The following UNC13C variants were observed in gnomAD, a reference collection of about 807,000 sequenced individuals.
UNC13C encodes the protein protein unc-13 homolog C.
In UNC13C, 174 loss-of-function variants were observed where a neutral mutation model predicts 245.4. The ratio of observed to expected loss-of-function variants is 0.71; its 90% CI spans 0.63 to 0.80. The LOEUF (loss-of-function observed/expected upper bound fraction) is 0.80, where lower values mean the gene tolerates loss of function less well. Ranked by LOEUF, UNC13C falls within the 30% of genes least tolerant of loss-of-function variation. The probability of loss-of-function intolerance (pLI) is 0.00; values close to 1 mark genes in which losing one functional copy is unlikely to be tolerated. For synonymous variants in UNC13C, 992 were observed against 895.1 expected, an observed-to-expected ratio of 1.11 and a Z score of -1.93; for missense variants, 2,829 against 2,602.9, an observed-to-expected ratio of 1.09 and a Z score of -1.89.
intron 26 of UNC13C, among the ~76,000 whole-genome samples, chr15:54,538,584 G>C (rs891362889): frequency 6.6e-6 from 1 of 152,026 alleles, no homozygotes; most frequent in African/African-American, 2.4e-5. Flanking sequence ...GCAAAGACAA[G>C]GAATCAACCT....
intron 17 of UNC13C, among the ~76,000 whole-genome samples, chr15:54,342,488 G>A (rs1340892682): frequency 1.3e-5 from 2 of 151,604 alleles, no homozygotes; most frequent in Non-Finnish European, 2.9e-5. Flanking sequence ...GTGAGTCCAG[G>A]AATTGGAAGT....
chr15:54,623,385 C>T (rs1471882951), intron 31 of UNC13C, among the ~76,000 whole-genome samples: 1 of 152,042 alleles, frequency 6.6e-6, no homozygotes, highest in Non-Finnish European at 1.5e-5. Context: ...ATTATAATAT[C>T]ATTTTGTATA....
chr15:53,965,700 A>G, the UNC13C span, among the ~76,000 whole-genome samples: 7 of 151,958 alleles, frequency 4.6e-5, no homozygotes, highest in East Asian at 1.9e-4. Context: ...ATATCTCCCA[A>G]TGCTATCCCT....
At chr15:54,398,660 C>A (rs553136967) in intron 18 of UNC13C, among the ~76,000 whole-genome samples, 1 of 151,176 alleles carries the variant, frequency 6.6e-6, no homozygotes, top group Non-Finnish European at 1.5e-5. Context: ...CCTATTTGTT[C>A]AAATAGGTAA....
chr15:54,189,869 T>C (rs2034122870), intron 4 of UNC13C, among the ~76,000 whole-genome samples: 1 of 152,100 alleles, frequency 6.6e-6, no homozygotes, highest in African/African-American at 2.4e-5. Context: ...TTGGTAAAGA[T>C]TCTATTTTGG....
At chr15:54,479,651 A>T (rs1414942532) in intron 19 of UNC13C, among the ~76,000 whole-genome samples, 5 of 151,502 alleles carry the variant, frequency 3.3e-5, no homozygotes, top group Non-Finnish European at 4.4e-5. Flanking sequence ...GTTTTTCTTT[A>T]TTCATCTTTT....
chr15:53,974,236 GGTTT>G (rs1232154230), upstream of UNC13C, among the ~76,000 whole-genome samples: 1 of 152,146 alleles, frequency 6.6e-6, no homozygotes, highest in African/African-American at 2.4e-5. Context: ...ATAGTTAGAA[GGTTT>G]GTTCTGGCAC....
At chr15:53,851,164 T>C in the UNC13C span, among the ~76,000 whole-genome samples, 1 of 152,190 alleles carries the variant, frequency 6.6e-6, no homozygotes, top group Non-Finnish European at 1.5e-5. Flanking sequence ...ATGTCATGCT[T>C]AAGTGTGTTT....
At chr15:53,868,850 G>T in the UNC13C span, among the ~76,000 whole-genome samples, 6 of 152,180 alleles carry the variant, frequency 3.9e-5, no homozygotes, top group African/African-American at 1.4e-4. Flanking sequence ...GGGCTTTATG[G>T]CTCGTGCCTG....
chr15:54,429,887 G>C (rs2040837622), intron 19 of UNC13C, among the ~76,000 whole-genome samples: 1 of 151,554 alleles, frequency 6.6e-6, no homozygotes, highest in African/African-American at 2.4e-5. Flanking sequence ...TAAGTGATTT[G>C]ATTTGGAGAA....
At chr15:54,172,703 GATATATATATATATATATATAT>G (rs56316345) in intron 4 of UNC13C, among the ~76,000 whole-genome samples, 7,373 of 78,024 alleles carry the variant, frequency 0.094, 567 homozygotes, top group Middle Eastern at 0.14. Context: ...TACACACACA[GATATATATATATATATATATAT>G]ATATATATAT....
At chr15:54,290,521 T>C (rs1442763419) in intron 10 of UNC13C, among the ~76,000 whole-genome samples, 1 of 152,118 alleles carries the variant, frequency 6.6e-6, no homozygotes, top group Non-Finnish European at 1.5e-5. Flanking sequence ...CCTTCATCTA[T>C]TGGTATCCCA....
Position 54,626,813 on chromosome 15 carries a change from T to C in UNC13C, c.6360-15T>C, listed in dbSNP as rs1901191134. Reference sequence around the variant, plus strand: ...TAAAGTTTTTGCTCAAAATTTGTATTTTTAATCCACACAGCATTCTCGGAA... The same window carrying C: ...TAAAGTTTTTGCTCAAAATTTGTATCTTTAATCCACACAGCATTCTCGGAA... On this transcript the variant is annotated splice_polypyrimidine_tract_variant and intron_variant, in intron 32 of 32. Transcript: ENST00000260323. The C allele has an allele frequency of 6.3e-7, 1 of 1,596,394 alleles. No homozygotes were observed. Among genetic ancestry groups the C allele is most frequent in the Non-Finnish European group, 8.5e-7 (1 of 1,171,402 alleles).
chr15:54,145,638 A>G (rs2032222312), intron 4 of UNC13C, among the ~76,000 whole-genome samples: 1 of 152,236 alleles, frequency 6.6e-6, no homozygotes, highest in South Asian at 2.1e-4. Context: ...TGACAACTAA[A>G]TACAATGATT....
the UNC13C span, among the ~76,000 whole-genome samples, chr15:53,879,799 C>G: frequency 6.6e-6 from 1 of 152,118 alleles, no homozygotes; most frequent in African/African-American, 2.4e-5. Flanking sequence ...TTTGGTCAGG[C>G]TGGTCTTGAA....
At chr15:54,552,399 AT>A (rs572321415) in intron 28 of UNC13C, among the ~76,000 whole-genome samples, 4 of 88,366 alleles carry the variant, frequency 4.5e-5, no homozygotes, top group African/African-American at 1.9e-4. Flanking sequence ...ATAATATATA[AT>A]TATATAATTA....
intron 19 of UNC13C, among the ~76,000 whole-genome samples, chr15:54,437,302 C>T (rs62010070): frequency 0.055 from 8,292 of 151,968 alleles, 326 homozygotes; most frequent in Non-Finnish European, 0.084. Context: ...AGCTGGCAAG[C>T]TTTACATACA....
chr15:54,144,982 G>A (rs976625668), intron 4 of UNC13C, among the ~76,000 whole-genome samples: 1 of 151,532 alleles, frequency 6.6e-6, no homozygotes, highest in African/African-American at 2.4e-5. Flanking sequence ...AACCAAGACC[G>A]GGTTTTGCCA....
chr15:54,190,209 T>G (rs186814904), intron 4 of UNC13C, among the ~76,000 whole-genome samples: 143 of 152,234 alleles, frequency 9.4e-4, no homozygotes, highest in African/African-American at 3.4e-3. Context: ...GCACAACCAA[T>G]TAAGTGGCAA....
Sources: gnomAD v4.1 joint callset for allele counts (sites outside exome capture counted in the v4.1 genomes callset) on GRCh38, gnomAD v4.1.1 for gene constraint, MANE v1.5 for transcripts, NCBI Gene and HGNC (gene_info 2026-07-23, HGNC 2026-07-21) for gene names.